HEPHL1: variants seen among roughly 807,000 people sequenced by gnomAD.
HEPHL1 encodes the protein hephaestin like 1.
Under a neutral mutation model 122.0 loss-of-function variants are expected in HEPHL1, and 123 were observed. The ratio of observed to expected loss-of-function variants is 1.01; its 90% confidence interval spans 0.87 to 1.17. HEPHL1 has a LOEUF of 1.17. Among genes scored for constraint, HEPHL1 ranks in the 50% most tolerant of loss-of-function variants. The pLI, the probability that HEPHL1 is intolerant of heterozygous loss-of-function variation, is 0.00. For missense variants in HEPHL1, 1,452 were observed against 1,430.5 expected, an observed-to-expected ratio of 1.01 and a Z score of -0.24; for synonymous variants, 527 against 508.9, an observed-to-expected ratio of 1.04 and a Z score of -0.48.
intron 2 of HEPHL1, among the ~76,000 whole-genome samples, chr11:94,046,791 C>G (rs949635580): frequency 5.9e-5 from 9 of 152,024 alleles, no homozygotes; most frequent in Admixed American, 2.0e-4. Context: ...AAGTATTTCT[C>G]CAACATCAAA....
At chr11:94,025,463 T>G (rs1945616508) in intron 1 of HEPHL1, among the ~76,000 whole-genome samples, 1 of 152,174 alleles carries the variant, frequency 6.6e-6, no homozygotes, top group Non-Finnish European at 1.5e-5. Context: ...AAAGCCACAG[T>G]TCTCACCATA....
At chr11:94,109,806 G>A (rs180775794) in intron 17 of HEPHL1, among the ~76,000 whole-genome samples, 4 of 152,210 alleles carry the variant, frequency 2.6e-5, no homozygotes, top group East Asian at 3.9e-4. Flanking sequence ...TCCTCACAAA[G>A]CATTTGTTTA....
chr11:94,109,531 T>C lies in HEPHL1; in HGVS notation c.3046-1372T>C, dbSNP rs571715256. Reference sequence around the variant, plus strand: ...GAGGTTGAGGAAATTTCCTTCTAAATTTGCTCAGAGTTTTGATCATCAACA... The same window carrying C: ...GAGGTTGAGGAAATTTCCTTCTAAACTTGCTCAGAGTTTTGATCATCAACA... On this transcript the variant is annotated intron_variant, in intron 17 of 19. Coordinates refer to ENST00000315765, the MANE Select transcript of HEPHL1 (RefSeq NM_001098672.2). Among the ~76,000 whole-genome samples, 65 of 152,298 alleles carry C rather than the reference T, an allele frequency of 4.3e-4. 1 individual carries two copies. The South Asian group carries it at 0.013, about 32-fold the overall frequency.
At chr11:94,042,431 T>C (rs1945790154) in intron 1 of HEPHL1, among the ~76,000 whole-genome samples, 1 of 142,002 alleles carries the variant, frequency 7.0e-6, no homozygotes, top group Non-Finnish European at 1.5e-5. Context: ...CACACATATG[T>C]TTATTGCGGC....
intron 13 of HEPHL1, among the ~76,000 whole-genome samples, chr11:94,099,712 G>A (rs1946351211): frequency 6.6e-6 from 1 of 152,164 alleles, no homozygotes; most frequent in Admixed American, 6.5e-5. Flanking sequence ...CTTAGCAATG[G>A]TGGGCGCCCC....
In HEPHL1 at chr11:94,073,566, CT is replaced by C; in HGVS notation, c.1504+130del. 7.1e-6 allele frequency: 6 copies of C among 841,448 alleles called. No homozygotes were observed. The South Asian group carries it at 8.9e-5, about 13-fold the overall frequency. The allele number at this position is 841,448 out of a possible 1,614,324, so 52.1% of individuals were successfully genotyped here. A position where few individuals can be genotyped will look rare whatever the true frequency, so the allele number is the denominator to read the frequency against. On this transcript the variant is annotated intron_variant, in intron 8 of 19. Coordinates refer to ENST00000315765, the MANE Select transcript of HEPHL1 (RefSeq NM_001098672.2). ...CTGAGAGCTTGGGCAATCACTTAAA[CT>C]TTCTGAACCTGATTCTCTCCTGTCA... is the stretch of plus-strand genomic sequence containing the variant.
intron 6 of HEPHL1, among the ~76,000 whole-genome samples, chr11:94,071,522 T>C (rs1307144313): frequency 6.6e-6 from 1 of 152,162 alleles, no homozygotes; most frequent in East Asian, 1.9e-4. Flanking sequence ...TTAGGAGCCT[T>C]CTAGAATTCT....
At chr11:94,064,979 G>A (rs1565352800) in intron 4 of HEPHL1, among the ~76,000 whole-genome samples, 1 of 152,148 alleles carries the variant, frequency 6.6e-6, no homozygotes, top group East Asian at 1.9e-4. Flanking sequence ...ATAAGCACTT[G>A]TGAATTCATT....
intron 5 of HEPHL1, among the ~76,000 whole-genome samples, chr11:94,069,851 A>T (rs577674791): frequency 2.6e-3 from 402 of 152,244 alleles, no homozygotes; most frequent in African/African-American, 9.2e-3. Flanking sequence ...TGATTTTTTT[A>T]AAAAAGCTAT....
intron 17 of HEPHL1, 33 bp downstream of exon 17, chr11:94,106,163 T>C: frequency 6.7e-7 from 1 of 1,482,768 alleles, no homozygotes; most frequent in Non-Finnish European, 9.1e-7. Context: ...GGGAAAGACG[T>C]TTTTGAACTA....
chr11:94,062,497 G>A (rs747126660), intron 2 of HEPHL1, among the ~76,000 whole-genome samples: 9 of 152,098 alleles, frequency 5.9e-5, no homozygotes, highest in Non-Finnish European at 1.2e-4. Context: ...TGTGTTATTT[G>A]AATTTGTATT....
chr11:94,075,169 C>T lies in HEPHL1; in HGVS notation c.1505-5C>T, dbSNP rs760829762. ...TTTGAATAATTGTTTTGTTTATATCCTCAGGATTTGTGAAACCAGGGGCGC... is the reference window on the plus strand; with the variant it reads ...TTTGAATAATTGTTTTGTTTATATCTTCAGGATTTGTGAAACCAGGGGCGC... On this transcript the variant is annotated splice_region_variant and splice_polypyrimidine_tract_variant and intron_variant, in intron 8 of 19. Transcript: ENST00000315765. 3.8e-5 allele frequency: 62 copies of T among 1,610,788 alleles called. No homozygotes were observed. The highest frequency in any genetic ancestry group is 5.1e-5 in the Non-Finnish European group (60 of 1,178,208).
chr11:94,077,307 C>T (rs766434271), intron 9 of HEPHL1, among the ~76,000 whole-genome samples: 2 of 152,020 alleles, frequency 1.3e-5, no homozygotes, highest in Non-Finnish European at 1.5e-5. Context: ...TTTTCCTGGT[C>T]CTGGGTCTGA....
chr11:94,082,605 C>G (rs1473107106), intron 10 of HEPHL1, 37 bp downstream of exon 10: 1 of 1,577,824 alleles, frequency 6.3e-7, no homozygotes, highest in African/African-American at 1.4e-5. Flanking sequence ...AAATGAAAGG[C>G]TGACTTGCAT....
In HEPHL1 at chr11:94,104,753, A is replaced by C. The variant is rs756833064; in HGVS notation, c.2905+3A>C. On this transcript the variant is annotated splice_donor_region_variant and intron_variant, in intron 16 of 19. Transcript: ENST00000315765. ...TGAGGAAAGCAACAGAATGCATGGT[A>C]TATCCAAAGTTTAAAAAGAAGCCTA... 6 of 1,603,578 alleles carry C rather than the reference A, an allele frequency of 3.7e-6. No homozygotes were observed. The South Asian group carries it at 6.6e-5, about 18-fold the overall frequency.
At chr11:94,056,911 A>C (rs1945942688) in intron 2 of HEPHL1, among the ~76,000 whole-genome samples, 1 of 152,096 alleles carries the variant, frequency 6.6e-6, no homozygotes, top group African/African-American at 2.4e-5. Context: ...TTTATTATGA[A>C]GTTTGATTGT....
chr11:94,080,034 G>A (rs1246082417), intron 9 of HEPHL1, among the ~76,000 whole-genome samples: 1 of 152,110 alleles, frequency 6.6e-6, no homozygotes, highest in Non-Finnish European at 1.5e-5. Context: ...CATACTACCC[G>A]ACTTCAAACT....
chr11:94,045,665 A>G lies in HEPHL1; in HGVS notation c.171-8A>G. On this transcript the variant is annotated splice_polypyrimidine_tract_variant and splice_region_variant and intron_variant, in intron 1 of 19. Coordinates refer to ENST00000315765, the MANE Select transcript of HEPHL1 (RefSeq NM_001098672.2). ...TTCAATTAAAAATGTTTTTCTTCTT[A>G]CTTTTAGACTTGCAACCTTATTTCT... The G allele has an allele frequency of 6.3e-7, 1 of 1,580,728 alleles. No individual in the cohort carries two copies. The highest frequency in any genetic ancestry group is 1.7e-4 in the Middle Eastern group (1 of 5,952).
At chr11:94,071,669 T>C (rs982543) in intron 6 of HEPHL1, among the ~76,000 whole-genome samples, 54,078 of 152,030 alleles carry the variant, frequency 0.36, 10,375 homozygotes, top group Admixed American at 0.46. Context: ...AGAAGCTGGG[T>C]TCACAAGAGT....
Sources: allele counts gnomAD v4.1 joint callset (sites outside exome capture counted in the v4.1 genomes callset), GRCh38; gene constraint gnomAD v4.1.1; transcripts MANE v1.5; gene names NCBI Gene and HGNC (gene_info 2026-07-23, HGNC 2026-07-21).